Variants in TCERG1 observed in about 807,000 individuals in gnomAD.
The protein encoded by TCERG1 is transcription elongation regulator 1, also known as TATA box binding protein (TBP)-associated factor, RNA polymerase II, S, 150kD.
In TCERG1, 37 loss-of-function variants were observed where a neutral mutation model predicts 144.7. That is an observed-to-expected ratio of 0.26 (90% CI 0.20 to 0.34). TCERG1 has a LOEUF of 0.34. TCERG1 is among the 10% of genes least tolerant of loss of function. The pLI, the probability that TCERG1 is intolerant of heterozygous loss-of-function variation, is 1.00. For synonymous variants in TCERG1, 492 were observed against 458.2 expected (o/e 1.07, Z -0.94); for missense variants, 1,027 against 1,380.7 (o/e 0.74, Z 4.06).
At chr5:146,493,128 CTATT>C in intron 16 of TCERG1, 90 bp downstream of exon 16, 1 of 964,752 alleles carries the variant, frequency 1.0e-6, no homozygotes, top group South Asian at 1.7e-5. Context: ...TATTTTTTGA[CTATT>C]TGGGCACTAA....
intron 13 of TCERG1, chr5:146,481,539 T>TG (rs1765366734): frequency 6.6e-6 from 1 of 152,166 alleles, no homozygotes; most frequent in Admixed American, 6.5e-5. Context: ...ACCTCTCACT[T>TG]GCATTTGTGG....
chr5:146,486,263 T>G (rs1437106776), intron 15 of TCERG1, among the ~76,000 whole-genome samples: 1 of 152,236 alleles, frequency 6.6e-6, no homozygotes, highest in Non-Finnish European at 1.5e-5. Flanking sequence ...CAAAATTATA[T>G]TTCAGTTGTC....
chr5:146,475,901 G>C (rs1764801341), intron 9 of TCERG1, among the ~76,000 whole-genome samples: 1 of 152,104 alleles, frequency 6.6e-6, no homozygotes, highest in Non-Finnish European at 1.5e-5. Context: ...ATTATTCATA[G>C]GTTTAAATAT....
At chr5:146,454,784 G>A (rs2150210356) in intron 1 of TCERG1, among the ~76,000 whole-genome samples, 3 of 152,164 alleles carry the variant, frequency 2.0e-5, no homozygotes, top group Middle Eastern at 6.8e-3. Context: ...TTTTAGTAGA[G>A]ATGGGGTTTC....
At chr5:146,468,524 T>A in intron 6 of TCERG1, 121 bp downstream of exon 6, 1 of 847,014 alleles carries the variant, frequency 1.2e-6, no homozygotes. Context: ...TTTTTCTTTT[T>A]AATGAGCAGT....
At chr5:146,496,602 A>G (rs941925138) in intron 16 of TCERG1, among the ~76,000 whole-genome samples, 2 of 151,942 alleles carry the variant, frequency 1.3e-5, no homozygotes, top group South Asian at 2.1e-4. Context: ...TTATTTGTTC[A>G]TTCATTTTTA....
chr5:146,492,980 A>G lies in TCERG1; in HGVS notation c.2224A>G (p.Ile742Val). 1 of 1,608,736 alleles carries G rather than the reference A, an allele frequency of 6.2e-7. No homozygotes were observed. The highest frequency in any genetic ancestry group is 8.5e-7 in the Non-Finnish European group (1 of 1,177,994). ...EEERREKKNKIMQAKEDFKKM... is the reference protein window; with the variant it reads ...EEERREKKNKVMQAKEDFKKM... The stretch of plus-strand genomic sequence containing the variant: ...AGAACGCAGGGAAAAGAAAAATAAA[A>G]TAATGCAAGCCAAGGAAGATTTCAA... Residue 742 changes from isoleucine to valine, a missense_variant, in exon 16 of 23, where the codon ATA becomes GTA. Ile to Val is a conservative substitution (Grantham distance 29). Transcript: ENST00000679501.
chr5:146,505,230 A>G (rs1352514653), intron 19 of TCERG1, among the ~76,000 whole-genome samples: 1 of 152,170 alleles, frequency 6.6e-6, no homozygotes, highest in African/African-American at 2.4e-5. Flanking sequence ...TACACCCTGG[A>G]CAATTACAGT....
At chr5:146,498,495 A>T (rs774309986) in intron 16 of TCERG1, 41 bp from the exon 17 acceptor site, 4 of 1,571,956 alleles carry the variant, frequency 2.5e-6, no homozygotes, top group Non-Finnish European at 3.4e-6. Flanking sequence ...ATACAAGCAG[A>T]AGTAACTGCC....
rs1765187504 is a variant in TCERG1 at position 146,479,911 on chromosome 5, A to G, written c.1819A>G (p.Ile607Val). 1.2e-6 allele frequency: 2 copies of G among 1,613,046 alleles called. No individual in the cohort carries two copies. Among genetic ancestry groups the G allele is most frequent in the South Asian group, 2.2e-5 (2 of 90,948 alleles). The change falls in exon 11 of 23, where the codon ATT (isoleucine) becomes GTT (valine). Residue 607 changes from isoleucine to valine, a missense_variant and splice_region_variant. This residue lies in a region of TCERG1 where 482 missense variants were observed against 632.6 expected (regional missense o/e 0.76). Transcript: ENST00000679501. ...AAAGTGGCAATTCTCTATGAGTGCA[A>G]GTGAGTGAACTAACCATAAATTGCA... ...IQKWQFSMSA[I>V]KEEQELMEEI...
intron 21 of TCERG1, among the ~76,000 whole-genome samples, chr5:146,508,866 C>T (rs567297600): frequency 6.6e-6 from 1 of 152,288 alleles, no homozygotes; most frequent in African/African-American, 2.4e-5. Flanking sequence ...AGATGATCCT[C>T]ATAAAATGCT....
At chr5:146,495,652 ATACTCT>A (rs1415357257) in intron 16 of TCERG1, among the ~76,000 whole-genome samples, 2 of 152,206 alleles carry the variant, frequency 1.3e-5, no homozygotes, top group African/African-American at 4.8e-5. Flanking sequence ...GCTGTGAGTG[ATACTCT>A]TAACCTTCAG....
At chr5:146,479,242 AT>A (rs1765122952) in intron 10 of TCERG1, among the ~76,000 whole-genome samples, 2 of 152,124 alleles carry the variant, frequency 1.3e-5, no homozygotes, top group South Asian at 4.1e-4. Context: ...TTGTGTTTTT[AT>A]AGAACTGTGG....
intron 10 of TCERG1, 38 bp from the exon 11 acceptor site, chr5:146,479,817 A>G (rs1765178049): frequency 6.2e-7 from 1 of 1,610,326 alleles, no homozygotes; most frequent in African/African-American, 1.3e-5. Flanking sequence ...AAATATATGC[A>G]AATGACTTTG....
intron 1 of TCERG1, among the ~76,000 whole-genome samples, chr5:146,450,943 C>G (rs983749843): frequency 7.2e-5 from 11 of 152,162 alleles, no homozygotes; most frequent in Non-Finnish European, 1.6e-4. Context: ...TTTTCTGTTC[C>G]TTACTCATTC....
chr5:146,509,379 G>C (rs936787628), intron 22 of TCERG1, 134 bp downstream of exon 22: 38 of 557,068 alleles, frequency 6.8e-5, no homozygotes, highest in Non-Finnish European at 1.1e-4. Flanking sequence ...ACCAACTTCT[G>C]TCCAAAGTCA....
At chr5:146,473,908 A>G (rs1764582567) in intron 9 of TCERG1, among the ~76,000 whole-genome samples, 1 of 152,204 alleles carries the variant, frequency 6.6e-6, no homozygotes, top group Non-Finnish European at 1.5e-5. Context: ...TCATGCCGCT[A>G]ACAACATCCA....
At position 146,471,459 on chromosome 5, in the gene TCERG1, A is replaced by G. The variant is rs370074674; in HGVS notation, c.1513-29A>G. On this transcript the variant is annotated intron_variant, in intron 8 of 22. Transcript: ENST00000679501. ...AACATTCAGGTATTGTTAATGTGAT[A>G]CTAATTAGAGTAATATCATTTCTTG... 576 of 1,588,928 alleles carry G rather than the reference A, an allele frequency of 3.6e-4. 1 individual carries two copies. The highest frequency in any genetic ancestry group is 1.2e-3 in the Middle Eastern group (7 of 5,954).
chr5:146,483,594 C>A lies in TCERG1; in HGVS notation c.2128C>A (p.Arg710=), dbSNP rs1200359651. The stretch of plus-strand genomic sequence containing the variant: ...GTTGCACAAGATAGTTTTTGATCCC[C>A]GGTACTTACTTCTCAATCCTAAAGA... The part of the protein sequence containing the change: ...KELHKIVFDP[R]YLLLNPKERK... The change falls in exon 15 of 23, where the codon CGG becomes AGG. Residue 710 remains arginine, a synonymous_variant. Coordinates refer to ENST00000679501, the MANE Select transcript of TCERG1 (RefSeq NM_001382548.1). 1 of 1,612,030 alleles carries A rather than the reference C, an allele frequency of 6.2e-7. No individual in the cohort carries two copies. The highest frequency in any genetic ancestry group is 8.5e-7 in the Non-Finnish European group (1 of 1,178,956).
Sources: allele counts gnomAD v4.1 joint callset (sites outside exome capture counted in the v4.1 genomes callset), GRCh38; gene constraint gnomAD v4.1.1; regional missense constraint gnomAD v4.1.1; transcripts MANE v1.5; gene names NCBI Gene and HGNC (gene_info 2026-07-23, HGNC 2026-07-21).